Variants in GLRA2 observed in about 807,000 individuals in gnomAD.
The protein encoded by GLRA2 is glycine receptor subunit alpha-2.
A neutral mutation model predicts 31.6 loss-of-function variants in GLRA2; 11 were observed. That is an observed-to-expected ratio of 0.35 (90% CI 0.22 to 0.58). GLRA2 has a LOEUF of 0.58. GLRA2 is among the 20% of genes least tolerant of loss of function. The pLI is 0.84. For synonymous variants in GLRA2, 132 were observed against 134.0 expected, an observed-to-expected ratio of 0.99 and a Z score of 0.10; for missense variants, 212 against 351.8, an observed-to-expected ratio of 0.60 and a Z score of 3.18.
At chrX:14,586,171 AAAG>A (rs1291076412) in intron 4 of GLRA2, among the ~76,000 whole-genome samples, 1 of 111,847 alleles carries the variant, frequency 8.9e-6, no homozygotes, top group Non-Finnish European at 1.9e-5. Context: ...GTCTAAAAAA[AAAG>A]AGAAGGCAGT....
intron 8 of GLRA2, among the ~76,000 whole-genome samples, chrX:14,729,813 A>G (rs993824383): frequency 9.0e-6 from 1 of 111,617 alleles, no homozygotes; most frequent in African/African-American, 3.3e-5. Flanking sequence ...TTTCTGAATG[A>G]ATGAATGAAT....
At chrX:14,546,557 C>T (rs1364343553) in intron 2 of GLRA2, among the ~76,000 whole-genome samples, 3 of 110,482 alleles carry the variant, frequency 2.7e-5, no homozygotes, top group South Asian at 3.8e-4. Flanking sequence ...CACGATTCTA[C>T]TTGTCAACCA....
intron 4 of GLRA2, among the ~76,000 whole-genome samples, chrX:14,584,380 C>A (rs992756832): frequency 9.0e-6 from 1 of 111,207 alleles, no homozygotes; most frequent in Non-Finnish European, 1.9e-5. Flanking sequence ...AACAGAATGC[C>A]CCCTTTCGCT....
chrX:14,688,602 G>T (rs1257143318), intron 7 of GLRA2, among the ~76,000 whole-genome samples: 8 of 111,751 alleles, frequency 7.2e-5, no homozygotes, highest in African/African-American at 1.6e-4. Flanking sequence ...CTCCGAGCCA[G>T]GCGCAGGATA....
At chrX:14,518,410 T>C in the GLRA2 span, among the ~76,000 whole-genome samples, 1 of 111,092 alleles carries the variant, frequency 9.0e-6, no homozygotes, top group African/African-American at 3.3e-5. Flanking sequence ...ACAGAAGAAA[T>C]GTATAAGAAT....
Position 14,532,252 on chromosome X carries a change from A to G in GLRA2, c.82A>G (p.Lys28Glu), listed in dbSNP as rs138307435. 9.3e-6 allele frequency: 11 copies of G among 1,178,588 alleles called. No individual in the cohort carries two copies. Among genetic ancestry groups the G allele is most frequent in the Non-Finnish European group, 1.3e-5 (11 of 876,185 alleles). ...ETNHFRTAFC[K>E]DHDSRSGKQP... ...TGATGTGTTTAGGACGGCTTTCTGCAAAGACCATGACTCCAGGTCTGGAAA... is the reference window on the plus strand; with the variant it reads ...TGATGTGTTTAGGACGGCTTTCTGCGAAGACCATGACTCCAGGTCTGGAAA... The change falls in exon 2 of 9, where the codon AAA becomes GAA. Residue 28 changes from lysine to glutamate, a missense_variant. Lys to Glu is a moderately conservative substitution (Grantham distance 56). Coordinates refer to ENST00000218075, the MANE Select transcript of GLRA2 (RefSeq NM_002063.4).
intron 7 of GLRA2, among the ~76,000 whole-genome samples, chrX:14,640,885 A>G (rs1351256107): frequency 9.0e-6 from 1 of 111,056 alleles, no homozygotes; most frequent in African/African-American, 3.3e-5. Context: ...ATATATATAT[A>G]TAGGAGTAGA....
At chrX:14,464,289 T>C in the GLRA2 span, among the ~76,000 whole-genome samples, 17 of 111,980 alleles carry the variant, frequency 1.5e-4, no homozygotes, top group African/African-American at 4.9e-4. Context: ...CTTCTATGTT[T>C]TTCACAGGAG....
chrX:14,545,762 G>A (rs1286330116), intron 2 of GLRA2, among the ~76,000 whole-genome samples: 3 of 111,476 alleles, frequency 2.7e-5, no homozygotes, highest in Non-Finnish European at 5.7e-5. Flanking sequence ...GACAGACGGT[G>A]TCATTAGATA....
chrX:14,629,845 C>A (rs1378312611), intron 7 of GLRA2, among the ~76,000 whole-genome samples: 1 of 111,632 alleles, frequency 9.0e-6, no homozygotes, highest in Non-Finnish European at 1.9e-5. Context: ...GTATAAGAGC[C>A]CTACAAGGCA....
At chrX:14,535,472 A>G (rs2089310310) in intron 2 of GLRA2, among the ~76,000 whole-genome samples, 2 of 112,163 alleles carry the variant, frequency 1.8e-5, no homozygotes, top group African/African-American at 3.2e-5. Flanking sequence ...TAATTGAGAG[A>G]CATTCTTAGA....
chrX:14,494,042 CA>C, the GLRA2 span, among the ~76,000 whole-genome samples: 1 of 110,289 alleles, frequency 9.1e-6, no homozygotes, highest in African/African-American at 3.3e-5. Flanking sequence ...CCTACTGTCA[CA>C]AAAAAATGTT....
intron 7 of GLRA2, among the ~76,000 whole-genome samples, chrX:14,657,871 A>T (rs2090955469): frequency 8.9e-6 from 1 of 111,964 alleles, no homozygotes; most frequent in Non-Finnish European, 1.9e-5. Flanking sequence ...AATGCACATT[A>T]AACATTTATA....
chrX:14,582,216 C>CT (rs2147066813), intron 4 of GLRA2, among the ~76,000 whole-genome samples: 1 of 76,049 alleles, frequency 1.3e-5, no homozygotes, highest in Non-Finnish European at 2.6e-5. Context: ...TATCCCTCCC[C>CT]CTCCCCACCC....
At chrX:14,475,108 CCT>C in the GLRA2 span, among the ~76,000 whole-genome samples, 1 of 112,006 alleles carries the variant, frequency 8.9e-6, no homozygotes, top group Admixed American at 9.5e-5. Flanking sequence ...AAAGTGGATA[CCT>C]CTTTCTACCA....
the GLRA2 span, among the ~76,000 whole-genome samples, chrX:14,490,888 T>C: frequency 9.0e-6 from 1 of 111,667 alleles, no homozygotes; most frequent in Non-Finnish European, 1.9e-5. Context: ...ATGACCAGCT[T>C]CAGCACACAG....
intron 8 of GLRA2, among the ~76,000 whole-genome samples, chrX:14,705,866 G>C (rs905175153): frequency 9.0e-6 from 1 of 111,570 alleles, no homozygotes; most frequent in African/African-American, 3.3e-5. Context: ...AAAACATCAG[G>C]AGGTTAAGTT....
chrX:14,706,075 C>T (rs1330592817), intron 8 of GLRA2, among the ~76,000 whole-genome samples: 1 of 42,248 alleles, frequency 2.4e-5, no homozygotes, highest in Non-Finnish European at 6.8e-5. Flanking sequence ...CACCTCAGAC[C>T]ATTAAATCAG....
chrX:14,523,489 G>A, the GLRA2 span, among the ~76,000 whole-genome samples: 1 of 111,897 alleles, frequency 8.9e-6, no homozygotes, highest in Admixed American at 9.5e-5. Flanking sequence ...TTCATGACTT[G>A]GCTGTCTGTG....
Sources: gnomAD v4.1 joint callset for allele counts (sites outside exome capture counted in the v4.1 genomes callset) on GRCh38, gnomAD v4.1.1 for gene constraint, MANE v1.5 for transcripts, NCBI Gene and HGNC (gene_info 2026-07-23, HGNC 2026-07-21) for gene names.